The following KAZN variants were observed in gnomAD, a reference collection of about 807,000 sequenced individuals.
KAZN encodes the protein kazrin, periplakin interacting protein, also known as kazrin.
Under a neutral mutation model 87.4 loss-of-function variants are expected in KAZN, and 40 were observed. The ratio of observed to expected loss-of-function variants is 0.46; its 90% CI spans 0.36 to 0.60. The LOEUF is 0.60. Ranked by LOEUF, KAZN falls within the 20% of genes least tolerant of loss-of-function variation. KAZN has a pLI of 0.00. For missense variants in KAZN, 898 were observed against 1,073.9 expected, an observed-to-expected ratio of 0.84 and a Z score of 2.29; for synonymous variants, 466 against 458.3, an observed-to-expected ratio of 1.02 and a Z score of -0.22.
Position 15,115,770 on chromosome 1 carries a change from C to T in KAZN, c.*1135C>T, listed in dbSNP as rs1007869153. Reference sequence around the variant, plus strand: ...TCACCTCTCTGTGCCTCGATGTCTTCATCTACGATACTTCTGGTTCCCTCC... The same window carrying T: ...TCACCTCTCTGTGCCTCGATGTCTTTATCTACGATACTTCTGGTTCCCTCC... On this transcript the variant is annotated 3_prime_UTR_variant, in exon 15 of 15. Transcript: ENST00000376030. The surrounding 1 kb of genome is among the most constrained non-coding windows in gnomAD (Gnocchi z 4.1). The T allele has an allele frequency of 6.6e-6, 1 of 152,238 alleles. No individual in the cohort carries two copies. Among genetic ancestry groups the T allele is most frequent in the African/African-American group, 2.4e-5 (1 of 41,450 alleles). The allele number at this position is 152,238 out of a possible 1,614,324, so 9.4% of individuals were successfully genotyped here.
At chr1:14,012,555 C>T (rs1319764924) in intron 1 of KAZN, among the ~76,000 whole-genome samples, 1 of 152,198 alleles carries the variant, frequency 6.6e-6, no homozygotes, top group Non-Finnish European at 1.5e-5. Flanking sequence ...TGGCTCACAC[C>T]TGTAGTCCCA....
chr1:14,847,979 C>T (rs1192530336), intron 1 of KAZN, among the ~76,000 whole-genome samples: 1 of 151,662 alleles, frequency 6.6e-6, no homozygotes, highest in East Asian at 1.9e-4. Context: ...GATTCTGTCT[C>T]AAAAACAAAA....
At chr1:13,950,210 C>T (rs1641293012) in intron 1 of KAZN, among the ~76,000 whole-genome samples, 1 of 152,292 alleles carries the variant, frequency 6.6e-6, no homozygotes, top group Non-Finnish European at 1.5e-5. Flanking sequence ...TTCTCTGTCC[C>T]CGCCTCCTCC....
At chr1:14,216,112 A>T (rs995861697) in intron 2 of KAZN, among the ~76,000 whole-genome samples, 2 of 152,210 alleles carry the variant, frequency 1.3e-5, no homozygotes, top group African/African-American at 4.8e-5. Flanking sequence ...TTAAATTGAC[A>T]AAAATATGAT....
chr1:14,539,972 C>T (rs2148493457), intron 2 of KAZN, among the ~76,000 whole-genome samples: 1 of 152,260 alleles, frequency 6.6e-6, no homozygotes, highest in East Asian at 1.9e-4. Context: ...ATCCCCATCC[C>T]ATTGTGTATA....
Position 14,728,469 on chromosome 1 carries a change from C to A in KAZN, c.226+129246C>A, listed in dbSNP as rs1029083140. Among the ~76,000 whole-genome samples, 6 of 152,070 alleles carry A rather than the reference C, an allele frequency of 3.9e-5. No individual in the cohort carries two copies. The East Asian group carries it at 1.2e-3, about 29-fold the overall frequency. ...TCCTAAGAGGCCATGGGTTGGGGAACCCTGAATTAGTTAATTGGATGAATG... is the reference window on the plus strand; with the variant it reads ...TCCTAAGAGGCCATGGGTTGGGGAAACCTGAATTAGTTAATTGGATGAATG... On this transcript the variant is annotated intron_variant, in intron 1 of 14. Coordinates refer to ENST00000376030, the MANE Select transcript of KAZN (RefSeq NM_201628.3).
At chr1:14,818,326 TA>T (rs1646634021) in intron 1 of KAZN, among the ~76,000 whole-genome samples, 1 of 152,222 alleles carries the variant, frequency 6.6e-6, no homozygotes, top group Non-Finnish European at 1.5e-5. Flanking sequence ...GATGGCCCAC[TA>T]AAACTGGGTG....
intron 2 of KAZN, among the ~76,000 whole-genome samples, chr1:14,252,090 T>C (rs1650098734): frequency 6.6e-6 from 1 of 152,158 alleles, no homozygotes; most frequent in Non-Finnish European, 1.5e-5. Context: ...GGAAATAAAT[T>C]AGCCCTTTCT....
intron 2 of KAZN, among the ~76,000 whole-genome samples, chr1:14,385,862 T>C (rs1467403269): frequency 6.8e-6 from 1 of 147,796 alleles, no homozygotes; most frequent in African/African-American, 2.5e-5. Flanking sequence ...AATTCCTGGG[T>C]ATCCTTGTTG....
chr1:14,268,598 T>G (rs1025037493), intron 2 of KAZN, among the ~76,000 whole-genome samples: 3 of 152,172 alleles, frequency 2.0e-5, no homozygotes, highest in African/African-American at 7.2e-5. Context: ...TCAATGATGA[T>G]GCATTACCTG....
intron 1 of KAZN, among the ~76,000 whole-genome samples, chr1:14,657,541 C>G (rs531348871): frequency 2.0e-5 from 3 of 152,320 alleles, no homozygotes; most frequent in African/African-American, 4.8e-5. Context: ...TACTACCCCA[C>G]TTGGGCTGTG....
At chr1:14,015,143 A>G (rs1640502593) in intron 1 of KAZN, among the ~76,000 whole-genome samples, 1 of 152,202 alleles carries the variant, frequency 6.6e-6, no homozygotes, top group South Asian at 2.1e-4. Context: ...ATAAAAACCA[A>G]CCTTTGAGAA....
intron 2 of KAZN, among the ~76,000 whole-genome samples, chr1:14,280,930 G>A (rs1652798381): frequency 1.3e-5 from 2 of 152,174 alleles, no homozygotes; most frequent in Non-Finnish European, 2.9e-5. Flanking sequence ...CAGAGGTTAA[G>A]CAGCCTGTCC....
rs1640796690 is a variant in KAZN, at chr1:15,096,155, A to G, written c.1547+1222A>G. 1.3e-5 allele frequency among the ~76,000 whole-genome samples: 2 copies of G among 152,100 alleles called. No individual in the cohort carries two copies. The highest frequency in any genetic ancestry group is 2.9e-5 in the Non-Finnish European group (2 of 67,996). On this transcript the variant is annotated intron_variant, in intron 10 of 14. Transcript: ENST00000376030. The surrounding 1 kb of genome is among the most constrained non-coding windows in gnomAD (Gnocchi z 4.5). The stretch of plus-strand genomic sequence containing the variant: ...ATCCCCTCACCATCTTTGGTCACCC[A>G]AGTAGGAAATCCCTCCTGCCCCCTT...
intron 1 of KAZN, among the ~76,000 whole-genome samples, chr1:14,751,392 A>T (rs1259905030): frequency 6.6e-6 from 1 of 152,158 alleles, no homozygotes. Flanking sequence ...CCCTTCTTTC[A>T]TCACCATCTA....
intron 2 of KAZN, among the ~76,000 whole-genome samples, chr1:14,432,000 G>A (rs2101386935): frequency 6.6e-6 from 1 of 152,162 alleles, no homozygotes; most frequent in East Asian, 1.9e-4. Context: ...TGTCCCTCTG[G>A]AGAACCCTGA....
At chr1:15,041,389 G>A (rs1672916285) in intron 3 of KAZN, among the ~76,000 whole-genome samples, 1 of 145,800 alleles carries the variant, frequency 6.9e-6, no homozygotes, top group Admixed American at 7.0e-5. Flanking sequence ...CCGGGTTGGA[G>A]TGCAATGGCG....
At chr1:14,048,377 A>G (rs1642166333) in intron 1 of KAZN, among the ~76,000 whole-genome samples, 1 of 149,504 alleles carries the variant, frequency 6.7e-6, no homozygotes, top group South Asian at 2.2e-4. Flanking sequence ...CAACCAAACT[A>G]ATGTCTCTAA....
chr1:14,593,667 C>T lies in KAZN; in HGVS notation c.250-5316C>T, dbSNP rs192192466. 1.7e-3 allele frequency among the ~76,000 whole-genome samples: 255 copies of T among 152,166 alleles called. 1 individual carries two copies. The highest frequency in any genetic ancestry group is 6.0e-3 in the African/African-American group (248 of 41,518). ...CAAATTCCCAAATAAATAAACAGAA[C>T]AATAACCAATGGCCATATACGCTAT... On this transcript the variant is annotated intron_variant, in intron 2 of 16. Coordinates refer to the KAZN transcript ENST00000636203.
Sources: allele counts gnomAD v4.1 joint callset (sites outside exome capture counted in the v4.1 genomes callset), GRCh38; gene constraint gnomAD v4.1.1; non-coding constraint Gnocchi (gnomAD v3.1); transcripts MANE v1.5; gene names NCBI Gene and HGNC (gene_info 2026-07-23, HGNC 2026-07-21).